Variants in ROBO2 observed in about 807,000 individuals in gnomAD.
ROBO2 encodes roundabout guidance receptor 2.
Under a neutral mutation model 160.8 loss-of-function variants are expected in ROBO2, and 53 were observed. The ratio of observed to expected loss-of-function variants is 0.33; its 90% confidence interval spans 0.26 to 0.41. The LOEUF (loss-of-function observed/expected upper bound fraction) is 0.41. Among genes scored for constraint, ROBO2 ranks in the 10% least tolerant of loss-of-function variants. The pLI is 1.00. For synonymous variants in ROBO2, 664 were observed against 611.7 expected (o/e 1.09, Z -1.26); for missense variants, 1,577 against 1,722.4 (o/e 0.92, Z 1.49).
At chr3:76,283,259 T>C (rs575343533) in intron 2 of ROBO2, among the ~76,000 whole-genome samples, 2 of 148,420 alleles carry the variant, frequency 1.3e-5, no homozygotes, top group East Asian at 4.0e-4. Context: ...GTCTTATTAG[T>C]AGGTTGGATT....
chr3:76,240,914 A>G (rs1055127628), intron 2 of ROBO2, among the ~76,000 whole-genome samples: 3 of 152,234 alleles, frequency 2.0e-5, no homozygotes, highest in African/African-American at 7.2e-5. Flanking sequence ...CTTCCTCTAC[A>G]TAAAGCAAGA....
intron 2 of ROBO2, among the ~76,000 whole-genome samples, chr3:76,859,248 C>T (rs1226436485): frequency 2.0e-5 from 3 of 152,116 alleles, no homozygotes; most frequent in East Asian, 3.9e-4. Context: ...TCAAGAGAGG[C>T]ATAGTCAATT....
chr3:76,114,807 C>T (rs902168582), intron 2 of ROBO2, among the ~76,000 whole-genome samples: 7 of 152,098 alleles, frequency 4.6e-5, no homozygotes, highest in African/African-American at 1.7e-4. Context: ...TTACAAAACA[C>T]TGATCATTTG....
intron 2 of ROBO2, among the ~76,000 whole-genome samples, chr3:77,297,579 C>T (rs62251177): frequency 0.011 from 1,654 of 152,216 alleles, 20 homozygotes; most frequent in African/African-American, 0.03. Flanking sequence ...CCTCTGGAAG[C>T]TTGCCATTGG....
intron 2 of ROBO2, among the ~76,000 whole-genome samples, chr3:76,381,001 C>T (rs1559852591): frequency 6.7e-6 from 1 of 149,174 alleles, no homozygotes; most frequent in Non-Finnish European, 1.5e-5. Flanking sequence ...AGAGTCCCAG[C>T]TCTGAAAGCA....
chr3:76,542,201 A>T (rs956358532), intron 2 of ROBO2, among the ~76,000 whole-genome samples: 14 of 152,006 alleles, frequency 9.2e-5, no homozygotes, highest in African/African-American at 1.4e-4. Flanking sequence ...TATTTTTTTT[A>T]AAAGTGAAGT....
At chr3:77,228,654 G>A (rs1316230409) in intron 2 of ROBO2, among the ~76,000 whole-genome samples, 1 of 151,848 alleles carries the variant, frequency 6.6e-6, no homozygotes, top group Non-Finnish European at 1.5e-5. Context: ...CCGTTGATGG[G>A]TGCAGCAAAC....
At chr3:76,277,410 A>G (rs1707990061) in intron 2 of ROBO2, among the ~76,000 whole-genome samples, 1 of 151,982 alleles carries the variant, frequency 6.6e-6, no homozygotes, top group Admixed American at 6.6e-5. Context: ...AACATCAGAA[A>G]TAGTTGACGG....
At chr3:76,444,003 T>TC (rs1323061318) in intron 2 of ROBO2, among the ~76,000 whole-genome samples, 3 of 152,118 alleles carry the variant, frequency 2.0e-5, no homozygotes, top group African/African-American at 7.2e-5. Flanking sequence ...TCTTGCTCTG[T>TC]CCCCCAAGCT....
At chr3:77,117,142 AT>A (rs944084124) in intron 2 of ROBO2, among the ~76,000 whole-genome samples, 2 of 152,180 alleles carry the variant, frequency 1.3e-5, no homozygotes, top group African/African-American at 4.8e-5. Context: ...TGCTTTGTTG[AT>A]TTTTGTGATA....
intron 2 of ROBO2, among the ~76,000 whole-genome samples, chr3:76,068,509 C>T (rs2068337614): frequency 6.6e-6 from 1 of 152,206 alleles, no homozygotes; most frequent in South Asian, 2.1e-4. Context: ...CAGACCCTAT[C>T]GCCTCTCAAT....
At chr3:76,690,887 A>C (rs923618803) in intron 2 of ROBO2, among the ~76,000 whole-genome samples, 1 of 152,036 alleles carries the variant, frequency 6.6e-6, no homozygotes, top group African/African-American at 2.4e-5. Flanking sequence ...TCTAAAACTC[A>C]TGTTGAAATT....
At chr3:77,072,014 G>C (rs2067472951) in intron 1 of ROBO2, among the ~76,000 whole-genome samples, 1 of 152,098 alleles carries the variant, frequency 6.6e-6, no homozygotes. Context: ...GTGGGTGAGA[G>C]AGTGAAACTT....
At chr3:76,270,543 C>A (rs547733352) in intron 2 of ROBO2, among the ~76,000 whole-genome samples, 50 of 152,136 alleles carry the variant, frequency 3.3e-4, no homozygotes, top group African/African-American at 1.2e-3. Flanking sequence ...CCATCCCCCA[C>A]TTTATTTTTA....
At chr3:77,293,207 A>G (rs1187533651) in intron 2 of ROBO2, among the ~76,000 whole-genome samples, 1 of 151,400 alleles carries the variant, frequency 6.6e-6, no homozygotes, top group East Asian at 2.0e-4. Context: ...TGACGGTTAA[A>G]CGGGTAAGCT....
intron 2 of ROBO2, among the ~76,000 whole-genome samples, chr3:76,603,512 A>T (rs2108987343): frequency 6.6e-6 from 1 of 151,500 alleles, no homozygotes; most frequent in Middle Eastern, 3.4e-3. Flanking sequence ...CAAAATAAGA[A>T]TTGCATTGAA....
At chr3:77,341,236 G>A (rs547948411) in intron 2 of ROBO2, among the ~76,000 whole-genome samples, 1 of 152,130 alleles carries the variant, frequency 6.6e-6, no homozygotes, top group East Asian at 1.9e-4. Flanking sequence ...CATATAAGAG[G>A]TTAATTCCCC....
At chr3:76,768,172 CAGTAATTTAACCTT>C (rs1161430346) in intron 2 of ROBO2, among the ~76,000 whole-genome samples, 2 of 151,144 alleles carry the variant, frequency 1.3e-5, no homozygotes, top group African/African-American at 4.9e-5. Context: ...TTTTTAATGG[CAGTAATTTAACCTT>C]AGTAATTTAA....
At chr3:76,660,686 A>G (rs573690780) in intron 2 of ROBO2, among the ~76,000 whole-genome samples, 2 of 152,318 alleles carry the variant, frequency 1.3e-5, no homozygotes, top group Non-Finnish European at 2.9e-5. Context: ...CTAGAGTTGT[A>G]GTTCATTTTA....
Sources: gnomAD v4.1 joint callset for allele counts (sites outside exome capture counted in the v4.1 genomes callset) on GRCh38, gnomAD v4.1.1 for gene constraint, MANE v1.5 for transcripts, NCBI Gene and HGNC (gene_info 2026-07-23, HGNC 2026-07-21) for gene names.